Variants in CAMTA1 observed in about 807,000 individuals in gnomAD.
The protein encoded by CAMTA1 is calmodulin binding transcription activator 1.
Under a neutral mutation model 170.9 loss-of-function variants are expected in CAMTA1, and 27 were observed. That is an observed-to-expected ratio of 0.16 (90% CI 0.12 to 0.22). CAMTA1 has a LOEUF of 0.22. Ranked by LOEUF, CAMTA1 falls within the 10% of genes least tolerant of loss-of-function variation. The pLI is 1.00. For missense variants in CAMTA1, 1,619 were observed against 2,217.2 expected, an observed-to-expected ratio of 0.73 and a Z score of 5.42; for synonymous variants, 833 against 891.5, an observed-to-expected ratio of 0.93 and a Z score of 1.17.
At chr1:7,310,659 C>CTTTCT (rs1676434760) in intron 5 of CAMTA1, among the ~76,000 whole-genome samples, 1 of 42,102 alleles carries the variant, frequency 2.4e-5, no homozygotes, top group Non-Finnish European at 4.3e-5. Context: ...TTCTTTCTTT[C>CTTTCT]TTTCTTTCTT....
At chr1:6,900,934 AG>A (rs763029376) in intron 3 of CAMTA1, among the ~76,000 whole-genome samples, 1 of 152,264 alleles carries the variant, frequency 6.6e-6, no homozygotes, top group African/African-American at 2.4e-5. Context: ...CAAAAGATCT[AG>A]AAAGACCAAA....
At chr1:7,256,384 C>A (rs1667367565) in intron 5 of CAMTA1, among the ~76,000 whole-genome samples, 1 of 151,960 alleles carries the variant, frequency 6.6e-6, no homozygotes, top group Non-Finnish European at 1.5e-5. Context: ...ATGGTGAAAC[C>A]CCGTCTCTAC....
chr1:6,945,013 G>A (rs900324137), intron 3 of CAMTA1, among the ~76,000 whole-genome samples: 6 of 152,162 alleles, frequency 3.9e-5, no homozygotes, highest in Non-Finnish European at 7.3e-5. Context: ...GAGCGCCTGC[G>A]TGTGGTTTGT....
chr1:7,663,582 C>T lies in CAMTA1; in HGVS notation c.1035C>T (p.Ser345=). ...LLHQSSTEVS[S]TNQVEVPDTT... is the part of the protein sequence containing the mutation. ...ACCAGAGCAGCACCGAGGTCTCCTC[C>T]ACCAACCAGGTGGAAGTCCCCGACA... The change falls in exon 9 of 23, where the codon TCC becomes TCT. Residue 345 remains serine, a synonymous_variant. Transcript: ENST00000303635. 3 of 1,613,990 alleles carry T rather than the reference C, an allele frequency of 1.9e-6. No homozygotes were observed. Among genetic ancestry groups the T allele is most frequent in the South Asian group, 2.2e-5 (2 of 91,088 alleles).
intron 6 of CAMTA1, among the ~76,000 whole-genome samples, chr1:7,590,042 G>T (rs753096478): frequency 6.6e-6 from 1 of 152,192 alleles, no homozygotes; most frequent in Non-Finnish European, 1.5e-5. Context: ...CCTGAAAGAA[G>T]AACTTGAGGG....
intron 4 of CAMTA1, among the ~76,000 whole-genome samples, chr1:7,207,365 G>A (rs1472372852): frequency 1.3e-5 from 2 of 152,338 alleles, no homozygotes; most frequent in South Asian, 2.1e-4. Context: ...AGGGAGGTCT[G>A]TAGAAAATGA....
At chr1:7,258,310 G>A (rs2149344268) in intron 5 of CAMTA1, among the ~76,000 whole-genome samples, 1 of 152,300 alleles carries the variant, frequency 6.6e-6, no homozygotes, top group Non-Finnish European at 1.5e-5. Context: ...GCCTTATTAA[G>A]CTAGAAACTC....
At position 7,681,517 on chromosome 1, in the gene CAMTA1, C is replaced by T. The variant is rs888849261; in HGVS notation, c.2914+3784C>T. 6.6e-6 allele frequency among the ~76,000 whole-genome samples: 1 copy of T among 152,206 alleles called. No homozygotes were observed. The highest frequency in any genetic ancestry group is 2.4e-5 in the African/African-American group (1 of 41,460). On this transcript the variant is annotated intron_variant, in intron 11 of 22. Coordinates refer to ENST00000303635, the MANE Select transcript of CAMTA1 (RefSeq NM_015215.4). The surrounding 1 kb of genome is among the most constrained non-coding windows in gnomAD (Gnocchi z 4.6). ...CGGATTCAGAACAAATTTCCTCTGTCCTGACCTGACCCCAGGCCATTTGCA... is the reference window on the plus strand; with the variant it reads ...CGGATTCAGAACAAATTTCCTCTGTTCTGACCTGACCCCAGGCCATTTGCA...
chr1:7,449,993 G>A (rs1195525067), intron 5 of CAMTA1, among the ~76,000 whole-genome samples: 1 of 152,012 alleles, frequency 6.6e-6, no homozygotes, highest in African/African-American at 2.4e-5. Context: ...TTTGAATTCT[G>A]GCACTGCCAT....
At chr1:7,222,478 C>T (rs983352072) in intron 4 of CAMTA1, among the ~76,000 whole-genome samples, 3 of 152,156 alleles carry the variant, frequency 2.0e-5, no homozygotes, top group Non-Finnish European at 4.4e-5. Flanking sequence ...TATTTAGGAA[C>T]GTGTCCTTGC....
At chr1:7,404,388 A>G (rs1284285346) in intron 5 of CAMTA1, among the ~76,000 whole-genome samples, 1 of 152,242 alleles carries the variant, frequency 6.6e-6, no homozygotes, top group Non-Finnish European at 1.5e-5. Flanking sequence ...TGCATTTGAA[A>G]TGGGCTTCTG....
intron 3 of CAMTA1, among the ~76,000 whole-genome samples, chr1:6,838,417 A>G (rs1302182280): frequency 1.3e-5 from 2 of 152,192 alleles, no homozygotes; most frequent in African/African-American, 2.4e-5. Flanking sequence ...TGAGGCAGGA[A>G]GCCAGCATGT....
At position 6,908,654 on chromosome 1, in the gene CAMTA1, A is replaced by C. The variant is rs148500890; in HGVS notation, c.234+83444A>C. Among the ~76,000 whole-genome samples the C allele has an allele frequency of 2.0e-5, 3 of 152,348 alleles. No homozygotes were observed. The East Asian group carries it at 5.8e-4, about 29-fold the overall frequency. On this transcript the variant is annotated intron_variant, in intron 3 of 22. Transcript: ENST00000303635. Reference sequence around the variant, plus strand: ...GGGGTAGAGAGTTAGGGAAATGGACATGAAAATTTTTAAAAATATGCTTGG... The same window carrying C: ...GGGGTAGAGAGTTAGGGAAATGGACCTGAAAATTTTTAAAAATATGCTTGG...
At chr1:7,281,769 T>G (rs1462413386) in intron 5 of CAMTA1, among the ~76,000 whole-genome samples, 8 of 151,864 alleles carry the variant, frequency 5.3e-5, no homozygotes, top group Admixed American at 1.3e-4. Flanking sequence ...GTGGATTTTT[T>G]TTGTTGTTGT....
intron 3 of CAMTA1, among the ~76,000 whole-genome samples, chr1:6,841,295 A>G (rs1459897828): frequency 6.6e-6 from 1 of 152,186 alleles, no homozygotes; most frequent in African/African-American, 2.4e-5. Context: ...CTTCAGCCTT[A>G]ATTCCCCTTT....
At position 7,745,897 on chromosome 1, in the gene CAMTA1, G is replaced by A. The variant is rs768966604; in HGVS notation, c.4423G>A (p.Val1475Ile). Residue 1475 changes from valine (V) to isoleucine (I), a missense_variant, in exon 18 of 23, where the codon GTT becomes ATT. Val to Ile is a conservative substitution (Grantham distance 29). Around this residue, in one of 8 missense-constraint regions of CAMTA1, gnomAD observed 370 missense variants for 429.4 expected, o/e 0.86. Transcript: ENST00000303635. ...TTCTTCTAATACCAGCTTGAGCCCT[G>A]TTGGCTCTCCCGTCAGTGAAATCGC... Reference protein sequence around the residue: ...TPSSNTSLSPVGSPVSEIAFE... With the variant: ...TPSSNTSLSPIGSPVSEIAFE... 23 of 1,614,052 alleles carry A rather than the reference G, an allele frequency of 1.4e-5. No homozygotes were observed. The South Asian group carries it at 2.3e-4, about 16-fold the overall frequency.
chr1:7,640,382 T>C lies in CAMTA1; in HGVS notation c.511-18T>C. 6.2e-7 allele frequency: 1 copy of C among 1,613,162 alleles called. No individual in the cohort carries two copies. On this transcript the variant is annotated intron_variant, in intron 6 of 22. Transcript: ENST00000303635. ...CTCCATGCCACCCTCATGCTGCCAGTCTCTGCTCTCCCCACAGAACCCCGA... is the reference window on the plus strand; with the variant it reads ...CTCCATGCCACCCTCATGCTGCCAGCCTCTGCTCTCCCCACAGAACCCCGA...
intron 9 of CAMTA1, among the ~76,000 whole-genome samples, chr1:7,668,856 T>C (rs1039407105): frequency 6.6e-6 from 1 of 152,196 alleles, no homozygotes; most frequent in Non-Finnish European, 1.5e-5. Flanking sequence ...ATGGTAACTG[T>C]CTGTGGCCTT....
intron 5 of CAMTA1, among the ~76,000 whole-genome samples, chr1:7,364,504 C>T (rs1302946320): frequency 6.6e-6 from 1 of 151,372 alleles, no homozygotes; most frequent in Admixed American, 6.6e-5. Flanking sequence ...GGCTGAAGTG[C>T]AGAGGCACAA....
Sources: gnomAD v4.1 joint callset for allele counts (sites outside exome capture counted in the v4.1 genomes callset) on GRCh38, gnomAD v4.1.1 for gene constraint, gnomAD v4.1.1 regional missense constraint, Gnocchi (gnomAD v3.1) non-coding constraint, MANE v1.5 for transcripts, NCBI Gene and HGNC (gene_info 2026-07-23, HGNC 2026-07-21) for gene names.